The following ENTREP1 variants were observed in gnomAD, a reference collection of about 807,000 sequenced individuals.
ENTREP1 encodes the protein Friedreich ataxia region gene X123.
At chr9:69,381,042 G>A in the ENTREP1 span, 1 of 152,238 alleles carries the variant, frequency 6.6e-6, no homozygotes, top group South Asian at 2.1e-4. Flanking sequence ...AGGAGGAGGA[G>A]GATTCTCTGG....
At chr9:69,326,775 G>T in the ENTREP1 span, among the ~76,000 whole-genome samples, 13 of 151,386 alleles carry the variant, frequency 8.6e-5, no homozygotes, top group Admixed American at 7.9e-4. Context: ...TGTTGCCCAG[G>T]CTGGTTTCCA....
the ENTREP1 span, among the ~76,000 whole-genome samples, chr9:69,333,237 G>T: frequency 1.3e-5 from 2 of 152,024 alleles, no homozygotes; most frequent in African/African-American, 4.8e-5. Context: ...TGTAGGTGAG[G>T]GGGGCAGAAC....
At chr9:69,332,236 T>C in the ENTREP1 span, among the ~76,000 whole-genome samples, 1 of 152,142 alleles carries the variant, frequency 6.6e-6, no homozygotes, top group African/African-American at 2.4e-5. Context: ...GAGGGAGAAG[T>C]TGAATAAAAG....
the ENTREP1 span, chr9:69,388,165 A>G: frequency 6.2e-7 from 1 of 1,614,200 alleles, no homozygotes; most frequent in Non-Finnish European, 8.5e-7. Flanking sequence ...CAGCTGCCCC[A>G]GTGCTCAGCT....
At chr9:69,338,587 C>T in the ENTREP1 span, among the ~76,000 whole-genome samples, 681 of 152,278 alleles carry the variant, frequency 4.5e-3, 7 homozygotes, top group African/African-American at 0.014. Flanking sequence ...GAAAATGGCC[C>T]TGTCTTATTA....
the ENTREP1 span, among the ~76,000 whole-genome samples, chr9:69,347,033 T>C: frequency 5.9e-5 from 9 of 152,252 alleles, no homozygotes; most frequent in African/African-American, 2.2e-4. Flanking sequence ...AAAGGACGGA[T>C]TGGAGCACCC....
chr9:69,382,833 C>A, the ENTREP1 span: 1 of 186,756 alleles, frequency 5.4e-6, no homozygotes. Context: ...TTTTTAAAAT[C>A]CTTTTTTTGT....
chr9:69,374,923 A>G, the ENTREP1 span, among the ~76,000 whole-genome samples: 59 of 152,368 alleles, frequency 3.9e-4, no homozygotes, highest in African/African-American at 1.4e-3. Context: ...GATCAGGAAT[A>G]GGGGAGAAGG....
chr9:69,356,797 A>C, the ENTREP1 span, among the ~76,000 whole-genome samples: 20 of 152,300 alleles, frequency 1.3e-4, no homozygotes, highest in Admixed American at 1.0e-3. Flanking sequence ...CACATGATCC[A>C]CTGACTGTTT....
the ENTREP1 span, among the ~76,000 whole-genome samples, chr9:69,372,864 G>A: frequency 6.6e-6 from 1 of 150,808 alleles, no homozygotes; most frequent in East Asian, 1.9e-4. Flanking sequence ...TTTTTTTAAA[G>A]TGGCCATTCT....
chr9:69,387,733 C>G, the ENTREP1 span: 6 of 398,640 alleles, frequency 1.5e-5, no homozygotes, highest in East Asian at 3.7e-4. Context: ...AGTCTTGTCT[C>G]TCTTCAGCCC....
chr9:69,340,735 A>T, the ENTREP1 span, among the ~76,000 whole-genome samples: 2 of 107,136 alleles, frequency 1.9e-5, no homozygotes, highest in Non-Finnish European at 3.9e-5. Flanking sequence ...GTGTGTGTGT[A>T]TGTGTGTGTG....
At chr9:69,351,598 G>A in the ENTREP1 span, among the ~76,000 whole-genome samples, 9 of 152,134 alleles carry the variant, frequency 5.9e-5, no homozygotes, top group Non-Finnish European at 1.3e-4. Flanking sequence ...TGTATTTTTA[G>A]TAGAGATGGT....
At chr9:69,362,488 C>T in the ENTREP1 span, among the ~76,000 whole-genome samples, 1 of 152,114 alleles carries the variant, frequency 6.6e-6, no homozygotes. Flanking sequence ...ATTCGTTTTG[C>T]ATAAAGGCAG....
the ENTREP1 span, among the ~76,000 whole-genome samples, chr9:69,350,114 G>A: frequency 1.3e-5 from 2 of 152,220 alleles, no homozygotes; most frequent in African/African-American, 2.4e-5. Context: ...TTTTAATTTT[G>A]TAGCTTACAC....
chr9:69,334,913 C>A, the ENTREP1 span, among the ~76,000 whole-genome samples: 14 of 151,788 alleles, frequency 9.2e-5, no homozygotes, highest in Non-Finnish European at 2.1e-4. Context: ...AGTAGCGTCA[C>A]CATGCCCAGC....
At chr9:69,353,506 G>T in the ENTREP1 span, among the ~76,000 whole-genome samples, 1 of 152,126 alleles carries the variant, frequency 6.6e-6, no homozygotes, top group Admixed American at 6.5e-5. Flanking sequence ...ACCTTCTAAA[G>T]TTAAAACGTT....
the ENTREP1 span, among the ~76,000 whole-genome samples, chr9:69,375,258 G>A: frequency 6.6e-6 from 1 of 152,252 alleles, no homozygotes; most frequent in South Asian, 2.1e-4. Context: ...TATTTTGTAA[G>A]ATGATGCCTA....
chr9:69,371,648 C>A, the ENTREP1 span: 1 of 1,347,326 alleles, frequency 7.4e-7, no homozygotes, highest in Non-Finnish European at 1.1e-6. Context: ...TCTAGGCAGA[C>A]CCTGGCTTGT....
Sources: allele counts gnomAD v4.1 joint callset (sites outside exome capture counted in the v4.1 genomes callset), GRCh38; gene constraint gnomAD v4.1.1; transcripts MANE v1.5; gene names NCBI Gene and HGNC (gene_info 2026-07-23, HGNC 2026-07-21).